PRKCE: variants seen among roughly 807,000 people sequenced by gnomAD.
PRKCE encodes the protein protein kinase C epsilon type.
PRKCE carries 16 observed loss-of-function variants against 85.4 expected under a neutral mutation model. That is an observed-to-expected ratio of 0.19 (90% CI 0.13 to 0.28). The LOEUF is 0.28. Among genes scored for constraint, PRKCE ranks in the 10% least tolerant of loss-of-function variants. The probability of loss-of-function intolerance (pLI) is 1.00; values close to 1 mark genes in which losing one functional copy is unlikely to be tolerated. For missense variants in PRKCE, 573 were observed against 975.2 expected (o/e 0.59, Z 5.49); for synonymous variants, 388 against 371.5 (o/e 1.04, Z -0.51).
Position 45,652,436 on chromosome 2 carries a change from C to A in PRKCE, c.336C>A (p.His112Gln). The A allele has an allele frequency of 6.2e-7, 1 of 1,608,280 alleles. No homozygotes were observed. The highest frequency in any genetic ancestry group is 8.5e-7 in the Non-Finnish European group (1 of 1,178,914). ...AGCTGCTGCAGAACGGGAGCCGCCA[C>A]TTCGAGGACTGGGTGAGTGCGGCGC... is the stretch of plus-strand genomic sequence containing the variant. ...FEELLQNGSR[H>Q]FEDWIDLEPE... is the part of the protein sequence containing the mutation. Residue 112 changes from histidine (H) to glutamine (Q), a missense_variant, in exon 1 of 15, where the codon CAC becomes CAA. This residue lies in a region of PRKCE where 100 missense variants were observed against 177.1 expected (regional missense o/e 0.56). Coordinates refer to ENST00000306156, the MANE Select transcript of PRKCE (RefSeq NM_005400.3). This position sits in a 1 kb window ranked among gnomAD's most constrained non-coding sequence, Gnocchi z 7.7.
At chr2:45,720,249 C>T (rs1400433986) in intron 1 of PRKCE, among the ~76,000 whole-genome samples, 1 of 152,042 alleles carries the variant, frequency 6.6e-6, no homozygotes, top group Non-Finnish European at 1.5e-5. Flanking sequence ...GGGGAGTTAC[C>T]ATAAAGTGGA....
chr2:46,137,647 C>T (rs1047520215), intron 11 of PRKCE, among the ~76,000 whole-genome samples: 2 of 149,984 alleles, frequency 1.3e-5, no homozygotes, highest in African/African-American at 2.5e-5. Context: ...CCTGTAATCC[C>T]AGCAACTCAG....
chr2:45,882,960 G>T (rs2105821406), intron 2 of PRKCE, among the ~76,000 whole-genome samples: 1 of 152,376 alleles, frequency 6.6e-6, no homozygotes, highest in Non-Finnish European at 1.5e-5. Flanking sequence ...TGTTCATCTG[G>T]CAAAGCTGGA....
chr2:45,907,721 C>T lies in PRKCE; in HGVS notation c.412+64658C>T, dbSNP rs908798901. Among the ~76,000 whole-genome samples, 7 of 152,170 alleles carry T rather than the reference C, an allele frequency of 4.6e-5. No homozygotes were observed. Among genetic ancestry groups the T allele is most frequent in the African/African-American group, 9.7e-5 (4 of 41,440 alleles). On this transcript the variant is annotated intron_variant, in intron 2 of 14. Transcript: ENST00000306156. This position sits in a 1 kb window ranked among gnomAD's most constrained non-coding sequence, Gnocchi z 4.5. ...GGCCAAGTGGAGCACAGCACCACTG[C>T]GCAGCTGTAGTACCTGAGGGCGTGA...
At position 45,900,775 on chromosome 2, in the gene PRKCE, A is replaced by G. The variant is rs369970286; in HGVS notation, c.412+57712A>G. 3.9e-5 allele frequency among the ~76,000 whole-genome samples: 6 copies of G among 152,248 alleles called. No homozygotes were observed. The East Asian group carries it at 1.2e-3, about 29-fold the overall frequency. The stretch of plus-strand genomic sequence containing the variant: ...TTTACCATTTTAACCACGTTTGTGT[A>G]ATTTACCACTGTAAAAATCTTTTTA... On this transcript the variant is annotated intron_variant, in intron 2 of 14. Transcript: ENST00000306156.
At chr2:45,685,075 C>G (rs1259211586) in intron 1 of PRKCE, among the ~76,000 whole-genome samples, 1 of 152,156 alleles carries the variant, frequency 6.6e-6, no homozygotes, top group Non-Finnish European at 1.5e-5. Flanking sequence ...GGTGCTGAAT[C>G]AAGACGAGAA....
chr2:46,128,921 T>C (rs943799767), intron 11 of PRKCE, among the ~76,000 whole-genome samples: 21 of 152,082 alleles, frequency 1.4e-4, no homozygotes, highest in African/African-American at 5.1e-4. Flanking sequence ...TTGAGGAAAA[T>C]ATGGATGCCA....
At chr2:46,127,901 C>T (rs758896666) in intron 11 of PRKCE, among the ~76,000 whole-genome samples, 1 of 152,192 alleles carries the variant, frequency 6.6e-6, no homozygotes, top group Non-Finnish European at 1.5e-5. Context: ...CAGACATGGC[C>T]GTGGGAAAAC....
intron 2 of PRKCE, among the ~76,000 whole-genome samples, chr2:45,938,730 C>CCAAT (rs1699660538): frequency 6.6e-6 from 1 of 151,730 alleles, no homozygotes. Flanking sequence ...ACAAAGTAAA[C>CCAAT]AAATGTGCAA....
At chr2:45,851,319 CT>C (rs1692236754) in intron 2 of PRKCE, among the ~76,000 whole-genome samples, 1 of 152,238 alleles carries the variant, frequency 6.6e-6, no homozygotes, top group African/African-American at 2.4e-5. Context: ...CTCATTCAAC[CT>C]ATGGCTGTTA....
intron 2 of PRKCE, among the ~76,000 whole-genome samples, chr2:45,861,250 T>A (rs1461529775): frequency 6.6e-6 from 1 of 152,180 alleles, no homozygotes; most frequent in Non-Finnish European, 1.5e-5. Flanking sequence ...GGTTCTAACC[T>A]CCACAGGCAA....
chr2:46,122,183 G>T (rs1400838914), intron 11 of PRKCE, among the ~76,000 whole-genome samples: 1 of 152,066 alleles, frequency 6.6e-6, no homozygotes, highest in Non-Finnish European at 1.5e-5. Context: ...CAATAGGTTA[G>T]TTTTGTATTT....
At chr2:45,805,208 A>G (rs912334174) in intron 1 of PRKCE, among the ~76,000 whole-genome samples, 1 of 152,212 alleles carries the variant, frequency 6.6e-6, no homozygotes, top group Non-Finnish European at 1.5e-5. Context: ...TATCTTACAG[A>G]TGAGAAAACA....
At chr2:45,698,441 T>G (rs628877) in intron 1 of PRKCE, among the ~76,000 whole-genome samples, 128,544 of 151,976 alleles carry the variant, frequency 0.85, 54,792 homozygotes, top group African/African-American at 0.96. Context: ...CTGGGGGTTG[T>G]GGATGGGGGT....
chr2:45,910,044 C>CA (rs966318526), intron 2 of PRKCE, among the ~76,000 whole-genome samples: 1 of 72,560 alleles, frequency 1.4e-5, no homozygotes, highest in Non-Finnish European at 3.4e-5. Context: ...AAACTCACCG[C>CA]CCCCCCCCAG....
At chr2:45,975,981 C>A (rs1421550120) in intron 2 of PRKCE, among the ~76,000 whole-genome samples, 1 of 152,200 alleles carries the variant, frequency 6.6e-6, no homozygotes, top group Admixed American at 6.5e-5. Flanking sequence ...TAAGCCACCC[C>A]CTGTGGCTGG....
chr2:45,931,804 T>G (rs2104058933), intron 2 of PRKCE, among the ~76,000 whole-genome samples: 1 of 152,280 alleles, frequency 6.6e-6, no homozygotes, highest in South Asian at 2.1e-4. Context: ...CCTCCCGGGT[T>G]GCAGCGATTC....
intron 1 of PRKCE, among the ~76,000 whole-genome samples, chr2:45,737,948 T>A (rs910724552): frequency 6.6e-6 from 1 of 152,094 alleles, no homozygotes; most frequent in Non-Finnish European, 1.5e-5. Context: ...CATTCTTCCA[T>A]CTCCCTGGCT....
At chr2:46,047,347 C>G (rs1708588374) in intron 10 of PRKCE, among the ~76,000 whole-genome samples, 1 of 152,222 alleles carries the variant, frequency 6.6e-6, no homozygotes, top group Non-Finnish European at 1.5e-5. Context: ...CTGATAAACA[C>G]AACTGATGCC....
Sources: gnomAD v4.1 joint callset for allele counts (sites outside exome capture counted in the v4.1 genomes callset) on GRCh38, gnomAD v4.1.1 for gene constraint, gnomAD v4.1.1 regional missense constraint, Gnocchi (gnomAD v3.1) non-coding constraint, MANE v1.5 for transcripts, NCBI Gene and HGNC (gene_info 2026-07-23, HGNC 2026-07-21) for gene names.